The following CAPZA2 variants were observed in gnomAD, a reference collection of about 807,000 sequenced individuals.
CAPZA2 encodes F-actin-capping protein subunit alpha-2.
CAPZA2 carries 13 observed loss-of-function variants against 44.0 expected under a neutral mutation model. The ratio of observed to expected loss-of-function variants is 0.30; its 90% CI spans 0.19 to 0.47. The LOEUF (loss-of-function observed/expected upper bound fraction) is 0.47, where lower values mean the gene tolerates loss of function less well. Ranked by LOEUF, CAPZA2 falls within the 20% of genes least tolerant of loss-of-function variation. The pLI is 1.00. For missense variants in CAPZA2, 244 were observed against 338.6 expected (o/e 0.72, Z 2.19); for synonymous variants, 94 against 108.2 (o/e 0.87, Z 0.81).
intron 1 of CAPZA2, 39 bp from the exon 2 acceptor site, chr7:116,888,088 C>T (rs1250458004): frequency 7.0e-7 from 1 of 1,437,436 alleles, no homozygotes; most frequent in Non-Finnish European, 9.7e-7. Context: ...TAGCAGAAGC[C>T]TGTGATATGG....
At chr7:116,888,562 C>T (rs909106748) in intron 2 of CAPZA2, 1 of 157,966 alleles carries the variant, frequency 6.3e-6, no homozygotes, top group Non-Finnish European at 1.4e-5. Flanking sequence ...GACAACAGGC[C>T]AGGTGCAGTG....
At chr7:116,904,432 T>G (rs1264659778) in intron 5 of CAPZA2, 49 bp downstream of exon 5, 2 of 1,070,708 alleles carry the variant, frequency 1.9e-6, no homozygotes, top group Non-Finnish European at 2.8e-6. Context: ...TAAATGTGAG[T>G]CTTTAGCGTC....
intron 1 of CAPZA2, among the ~76,000 whole-genome samples, chr7:116,868,684 T>A (rs1796512416): frequency 6.6e-6 from 1 of 152,076 alleles, no homozygotes; most frequent in Non-Finnish European, 1.5e-5. Context: ...CAGTGAGCGG[T>A]GATCGCACCA....
At chr7:116,879,124 CAAAAAAAAAA>C (rs71148337) in intron 1 of CAPZA2, among the ~76,000 whole-genome samples, 4 of 45,302 alleles carry the variant, frequency 8.8e-5, no homozygotes, top group East Asian at 6.7e-4. Flanking sequence ...AACTCTGTCT[CAAAAAAAAAA>C]AAAAAAAAAA....
intron 6 of CAPZA2, 35 bp from the exon 7 acceptor site, chr7:116,910,198 C>T (rs766168959): frequency 4.5e-6 from 5 of 1,102,784 alleles, no homozygotes; most frequent in East Asian, 4.7e-5. Context: ...ATTATTTTCC[C>T]TACCTTATTT....
chr7:116,895,092 T>C (rs1796907595), intron 3 of CAPZA2, among the ~76,000 whole-genome samples: 2 of 151,996 alleles, frequency 1.3e-5, no homozygotes, highest in South Asian at 4.1e-4. Flanking sequence ...ATATAAAACA[T>C]GTTGAGAAAA....
In CAPZA2 at chr7:116,921,413, T is replaced by G. The variant is rs1585018418; in HGVS notation, c.*3546T>G. Reference sequence around the variant, plus strand: ...AAAAAAAGTGGTGGGCTGGCCACGATGGCTCACGCCTATAATCCCAGCACT... The same window carrying G: ...AAAAAAAGTGGTGGGCTGGCCACGAGGGCTCACGCCTATAATCCCAGCACT... On this transcript the variant is annotated 3_prime_UTR_variant, in exon 10 of 10. Transcript: ENST00000361183. 1 of 150,010 alleles carries G rather than the reference T, an allele frequency of 6.7e-6. No individual in the cohort carries two copies. Among genetic ancestry groups the G allele is most frequent in the Admixed American group, 6.6e-5 (1 of 15,038 alleles). The allele number at this position is 150,010 out of a possible 1,614,324, so 9.3% of individuals were successfully genotyped here.
At chr7:116,908,722 G>C (rs1325008610) in intron 6 of CAPZA2, among the ~76,000 whole-genome samples, 2 of 152,148 alleles carry the variant, frequency 1.3e-5, no homozygotes, top group Admixed American at 6.5e-5. Flanking sequence ...TCACTAGCTG[G>C]CTTGGCACTA....
At chr7:116,890,569 CACATAT>C (rs1387801095) in intron 2 of CAPZA2, among the ~76,000 whole-genome samples, 1 of 26,968 alleles carries the variant, frequency 3.7e-5, no homozygotes, top group East Asian at 1.0e-3. Flanking sequence ...TATATATATA[CACATAT>C]ATATATATAT....
intron 1 of CAPZA2, among the ~76,000 whole-genome samples, chr7:116,871,506 G>A (rs775970648): frequency 3.3e-5 from 5 of 152,186 alleles, no homozygotes; most frequent in Admixed American, 1.3e-4. Flanking sequence ...TTAAGTGGTG[G>A]ACTAGGGATT....
chr7:116,892,325 A>G (rs1796856392), intron 2 of CAPZA2, among the ~76,000 whole-genome samples: 1 of 152,218 alleles, frequency 6.6e-6, no homozygotes, highest in African/African-American at 2.4e-5. Flanking sequence ...AAAATAATGA[A>G]AGAAAATACA....
intron 6 of CAPZA2, among the ~76,000 whole-genome samples, chr7:116,908,851 C>T (rs773425702): frequency 3.9e-5 from 6 of 152,206 alleles, no homozygotes; most frequent in Non-Finnish European, 5.9e-5. Context: ...CAAATCAAGA[C>T]ATGTTATAAA....
At chr7:116,914,079 C>G (rs1334896836) in intron 8 of CAPZA2, among the ~76,000 whole-genome samples, 9 of 147,088 alleles carry the variant, frequency 6.1e-5, no homozygotes, top group East Asian at 4.1e-4. Context: ...CCAGGCTGGA[C>G]TGCAGTGGCG....
chr7:116,897,681 C>A (rs902247198), intron 3 of CAPZA2, among the ~76,000 whole-genome samples: 1 of 152,066 alleles, frequency 6.6e-6, no homozygotes, highest in Non-Finnish European at 1.5e-5. Context: ...TTTAAAAATA[C>A]AATTTTTAGA....
At chr7:116,899,511 G>A (rs919928476) in intron 4 of CAPZA2, among the ~76,000 whole-genome samples, 27 of 151,646 alleles carry the variant, frequency 1.8e-4, no homozygotes, top group Admixed American at 1.5e-3. Context: ...TCATAGTTAC[G>A]GGGGACAAGC....
chr7:116,901,810 T>G (rs1208103564), intron 4 of CAPZA2, among the ~76,000 whole-genome samples: 2 of 151,096 alleles, frequency 1.3e-5, no homozygotes, highest in Non-Finnish European at 3.0e-5. Flanking sequence ...TCCTGATCAG[T>G]TTTTTTTTAA....
Position 116,917,860 on chromosome 7 carries a change from A to C in CAPZA2, c.854A>C (p.Asn285Thr). The change falls in exon 10 of 10, where the codon AAT becomes ACT. Residue 285 changes from asparagine (N) to threonine (T), a missense_variant. Physicochemically the swap from Asn to Thr is moderately conservative, Grantham distance 65. Transcript: ENST00000361183. Reference protein sequence around the residue: ...LSYKIGKEMQNA With the variant: ...LSYKIGKEMQTA ...TACAAGATTGGCAAAGAGATGCAGA[A>C]TGCATAAGATGAACATTGCATGACC... The C allele has an allele frequency of 6.2e-7, 1 of 1,612,604 alleles. No homozygotes were observed. The highest frequency in any genetic ancestry group is 8.5e-7 in the Non-Finnish European group (1 of 1,178,604).
chr7:116,869,813 T>C (rs1019975599), intron 1 of CAPZA2, among the ~76,000 whole-genome samples: 1 of 152,210 alleles, frequency 6.6e-6, no homozygotes, highest in Admixed American at 6.5e-5. Context: ...TAAACTTTCT[T>C]CTCAGTCACT....
At chr7:116,868,740 T>G (rs560436780) in intron 1 of CAPZA2, among the ~76,000 whole-genome samples, 56 of 152,142 alleles carry the variant, frequency 3.7e-4, no homozygotes, top group African/African-American at 1.3e-3. Flanking sequence ...TCTCAAAAAG[T>G]TTAAAAAAAA....
Sources: gnomAD v4.1 joint callset for allele counts (sites outside exome capture counted in the v4.1 genomes callset) on GRCh38, gnomAD v4.1.1 for gene constraint, MANE v1.5 for transcripts, NCBI Gene and HGNC (gene_info 2026-07-23, HGNC 2026-07-21) for gene names.